Variants in MYLK4 observed in about 807,000 individuals in gnomAD.
MYLK4 encodes the protein myosin light chain kinase family member 4.
A neutral mutation model predicts 48.1 loss-of-function variants in MYLK4; 46 were observed. The observed-to-expected ratio is 0.96, with a 90% CI of 0.75 to 1.22. The LOEUF (loss-of-function observed/expected upper bound fraction) is 1.22, where lower values mean the gene tolerates loss of function less well. Among genes scored for constraint, MYLK4 ranks in the 50% most tolerant of loss-of-function variants. The pLI is 0.00. For missense variants in MYLK4, 451 were observed against 486.1 expected (o/e 0.93, Z 0.68); for synonymous variants, 170 against 180.8 (o/e 0.94, Z 0.48).
chr6:2,762,727 A>AT, the MYLK4 span, among the ~76,000 whole-genome samples: 1 of 152,218 alleles, frequency 6.6e-6, no homozygotes, highest in Non-Finnish European at 1.5e-5. Context: ...AACAGTTCTT[A>AT]AACACAGTGC....
rs528494606 is a variant in MYLK4, at chr6:2,685,961, G to T, written c.342-385C>A. Reference sequence around the variant, plus strand: ...CATGTGTCTGTAGTCCCAGCTACTCGGGAGGCTGAGGCAGGAGAACGGCGT... The same window carrying T: ...CATGTGTCTGTAGTCCCAGCTACTCTGGAGGCTGAGGCAGGAGAACGGCGT... On this transcript the variant is annotated intron_variant, in intron 4 of 12. Transcript: ENST00000274643. This position sits in a 1 kb window ranked among gnomAD's most constrained non-coding sequence, Gnocchi z 4.5. Among the ~76,000 whole-genome samples the T allele has an allele frequency of 2.6e-5, 4 of 152,050 alleles. No homozygotes were observed. In the South Asian group the frequency reaches 8.3e-4, roughly 32 times the overall value.
intron 2 of MYLK4, among the ~76,000 whole-genome samples, chr6:2,734,431 C>T (rs1481444212): frequency 1.3e-5 from 2 of 152,136 alleles, no homozygotes; most frequent in Non-Finnish European, 2.9e-5. Flanking sequence ...CACACGTCCT[C>T]TCACCCGGGC....
chr6:2,689,047 A>C, intron 3 of MYLK4, 91 bp from the exon 4 acceptor site: 1 of 928,636 alleles, frequency 1.1e-6, no homozygotes. Flanking sequence ...AAATGTGCTC[A>C]TTTAATAATA....
At chr6:2,704,955 A>G (rs1241744514) in intron 2 of MYLK4, among the ~76,000 whole-genome samples, 5 of 152,230 alleles carry the variant, frequency 3.3e-5, no homozygotes, top group Non-Finnish European at 5.9e-5. Flanking sequence ...CACAGGAGCT[A>G]GAAGAAAGCT....
chr6:2,763,284 C>T, the MYLK4 span, among the ~76,000 whole-genome samples: 583 of 152,378 alleles, frequency 3.8e-3, 4 homozygotes, highest in Non-Finnish European at 5.1e-3. Context: ...CCATTAATTT[C>T]TGAACTGGGG....
intron 2 of MYLK4, among the ~76,000 whole-genome samples, chr6:2,742,059 A>T (rs974623628): frequency 6.6e-5 from 10 of 151,848 alleles, no homozygotes; most frequent in African/African-American, 2.4e-4. Flanking sequence ...ACCTAAAGAG[A>T]ATTATAATGT....
chr6:2,701,825 C>G (rs184788049), intron 2 of MYLK4, among the ~76,000 whole-genome samples: 2 of 152,188 alleles, frequency 1.3e-5, no homozygotes, highest in East Asian at 1.9e-4. Flanking sequence ...TAACCAATGG[C>G]CAGGTGGTTC....
At chr6:2,763,280 A>C in the MYLK4 span, among the ~76,000 whole-genome samples, 2 of 152,334 alleles carry the variant, frequency 1.3e-5, no homozygotes, top group Non-Finnish European at 2.9e-5. Context: ...TCTCCCATTA[A>C]TTTCTGAACT....
chr6:2,725,206 C>T (rs976605728), intron 2 of MYLK4, among the ~76,000 whole-genome samples: 1 of 151,842 alleles, frequency 6.6e-6, no homozygotes, highest in Non-Finnish European at 1.5e-5. Context: ...GCCTATAATC[C>T]CAGCACTTTG....
chr6:2,765,460 C>T, the MYLK4 span: 239 of 853,986 alleles, frequency 2.8e-4, no homozygotes, highest in Admixed American at 4.6e-4. Context: ...GCGGGAGCTG[C>T]GGACGTGAGG....
chr6:2,688,808 C>T, intron 4 of MYLK4, 43 bp downstream of exon 4: 2 of 1,514,664 alleles, frequency 1.3e-6, no homozygotes, highest in Non-Finnish European at 1.8e-6. Context: ...TTTGCACGCT[C>T]TCTTCTTTTG....
rs761413520 is a variant in MYLK4, at chr6:2,688,922, A to G, written c.270T>C (p.His90=). ...CTCCTTGCTTGGCTGTCACAATACG[A>G]TGATCAAATGGGGCCGGAGGAGCCG... is the stretch of plus-strand genomic sequence containing the variant. ...DIPAPPAPFD[H]RIVTAKQGAV... The change falls in exon 4 of 13, where the codon CAT becomes CAC. Residue 90 remains histidine, a synonymous_variant. Transcript: ENST00000274643. 3.7e-6 allele frequency: 6 copies of G among 1,614,092 alleles called. No homozygotes were observed. In the Admixed American group the frequency reaches 8.3e-5, roughly 22 times the overall value.
intron 2 of MYLK4, among the ~76,000 whole-genome samples, chr6:2,734,945 T>A (rs1763617990): frequency 6.6e-6 from 1 of 152,210 alleles, no homozygotes; most frequent in Admixed American, 6.5e-5. Flanking sequence ...CAGGGAATGC[T>A]TGAGGCCCAG....
the MYLK4 span, chr6:2,766,224 G>C: frequency 2.7e-6 from 4 of 1,489,684 alleles, no homozygotes; most frequent in Non-Finnish European, 2.7e-6. Context: ...ACCGCCTTCG[G>C]GGCCAGTGGC....
intron 2 of MYLK4, among the ~76,000 whole-genome samples, chr6:2,724,718 T>C (rs962194569): frequency 6.6e-6 from 1 of 152,208 alleles, no homozygotes; most frequent in African/African-American, 2.4e-5. Flanking sequence ...CAGCCCGGTC[T>C]GTCTCTGAAT....
At chr6:2,770,286 A>C in the MYLK4 span, 18 of 1,613,338 alleles carry the variant, frequency 1.1e-5, no homozygotes, top group Middle Eastern at 1.6e-4. Context: ...CGAGCGATCA[A>C]CTCCCTGGGA....
chr6:2,717,360 G>A (rs1391326711), intron 2 of MYLK4, among the ~76,000 whole-genome samples: 1 of 152,026 alleles, frequency 6.6e-6, no homozygotes, highest in Non-Finnish European at 1.5e-5. Flanking sequence ...ATATAAAGCA[G>A]GTCCCTAAGC....
At chr6:2,766,730 TCTGC>T in the MYLK4 span, among the ~76,000 whole-genome samples, 1 of 152,222 alleles carries the variant, frequency 6.6e-6, no homozygotes, top group Non-Finnish European at 1.5e-5. Context: ...TTAGATTTGA[TCTGC>T]CTTTATCTTC....
chr6:2,697,522 T>C (rs1762108139), intron 2 of MYLK4, among the ~76,000 whole-genome samples: 1 of 152,184 alleles, frequency 6.6e-6, no homozygotes. Context: ...TGGGCATGAG[T>C]GCGCTCTCGC....
Sources: gnomAD v4.1 joint callset for allele counts (sites outside exome capture counted in the v4.1 genomes callset) on GRCh38, gnomAD v4.1.1 for gene constraint, Gnocchi (gnomAD v3.1) non-coding constraint, MANE v1.5 for transcripts, NCBI Gene and HGNC (gene_info 2026-07-23, HGNC 2026-07-21) for gene names.